The following SCUBE2 variants were observed in gnomAD, a reference collection of about 807,000 sequenced individuals.
SCUBE2 encodes the protein signal peptide, CUB domain and EGF like domain containing 2.
SCUBE2 carries 114 observed loss-of-function variants against 125.9 expected under a neutral mutation model. The ratio of observed to expected loss-of-function variants is 0.91; its 90% CI spans 0.78 to 1.06. The LOEUF is 1.06. Among genes scored for constraint, SCUBE2 ranks in the 50% least tolerant of loss-of-function variants. The probability of loss-of-function intolerance (pLI) is 0.00; values close to 1 mark genes in which losing one functional copy is unlikely to be tolerated. For synonymous variants in SCUBE2, 459 were observed against 492.9 expected (o/e 0.93, Z 0.91); for missense variants, 1,255 against 1,301.8 (o/e 0.96, Z 0.55).
chr11:9,045,113 T>G (rs1857577331), intron 16 of SCUBE2, among the ~76,000 whole-genome samples: 1 of 152,218 alleles, frequency 6.6e-6, no homozygotes, highest in Admixed American at 6.5e-5. Flanking sequence ...TGTTTGCGTG[T>G]TTCTTTATTG....
intron 7 of SCUBE2, chr11:9,064,983 C>A (rs1376016814): frequency 6.6e-6 from 1 of 152,040 alleles, no homozygotes; most frequent in Non-Finnish European, 1.5e-5. Flanking sequence ...CCAAGTGTTG[C>A]CCCTCTCCAT....
At chr11:9,088,565 A>T (rs896671695) in intron 2 of SCUBE2, among the ~76,000 whole-genome samples, 1 of 152,218 alleles carries the variant, frequency 6.6e-6, no homozygotes, top group Non-Finnish European at 1.5e-5. Context: ...GAGACTTGGA[A>T]GGACTTTCTT....
chr11:9,033,475 C>T (rs997243372), intron 17 of SCUBE2, 151 bp downstream of exon 17: 1 of 797,480 alleles, frequency 1.3e-6, no homozygotes, highest in African/African-American at 1.7e-5. Flanking sequence ...GACCTAGGCA[C>T]TGGTGAGCCA....
chr11:9,055,195 G>A (rs1168273336), intron 10 of SCUBE2, among the ~76,000 whole-genome samples: 1 of 152,224 alleles, frequency 6.6e-6, no homozygotes, highest in Non-Finnish European at 1.5e-5. Flanking sequence ...TGAATCTGAT[G>A]GCTGGGGGAG....
intron 14 of SCUBE2, among the ~76,000 whole-genome samples, chr11:9,049,261 T>A (rs1858107790): frequency 6.6e-6 from 1 of 152,208 alleles, no homozygotes; most frequent in South Asian, 2.1e-4. Context: ...TTCATTTTTT[T>A]GAGACAGGGT....
chr11:9,070,654 AACACCCTTC>A (rs2135775826), intron 4 of SCUBE2, among the ~76,000 whole-genome samples: 1 of 152,256 alleles, frequency 6.6e-6, no homozygotes, highest in East Asian at 1.9e-4. Context: ...TCTAGAATCC[AACACCCTTC>A]TATATTGTGC....
chr11:9,051,182 TTATCTATCTATCTATCTATCTATC>T (rs60575374), intron 13 of SCUBE2, among the ~76,000 whole-genome samples: 1 of 142,502 alleles, frequency 7.0e-6, no homozygotes, highest in Admixed American at 7.1e-5. Context: ...AAACAAAAAA[TTATCTATCTATCTATCTATCTATC>T]TATCTATCTA....
intron 7 of SCUBE2, chr11:9,064,959 C>T (rs1220197140): frequency 6.6e-6 from 1 of 152,160 alleles, no homozygotes; most frequent in East Asian, 1.9e-4. Flanking sequence ...GGCAGGTCTT[C>T]CCTTGTCCCA....
intron 2 of SCUBE2, among the ~76,000 whole-genome samples, chr11:9,084,800 G>GCAGGC (rs1339163980): frequency 6.6e-5 from 10 of 152,228 alleles, no homozygotes; most frequent in Admixed American, 6.5e-4. Flanking sequence ...CTGGAGTGCA[G>GCAGGC]TGGTGCCATC....
At chr11:9,067,471 T>C (rs1860362439) in intron 5 of SCUBE2, among the ~76,000 whole-genome samples, 1 of 152,248 alleles carries the variant, frequency 6.6e-6, no homozygotes, top group South Asian at 2.1e-4. Context: ...CTGCATGTTT[T>C]CTTTATATGC....
chr11:9,088,477 G>T (rs1862316238), intron 2 of SCUBE2, among the ~76,000 whole-genome samples: 1 of 152,118 alleles, frequency 6.6e-6, no homozygotes, highest in Admixed American at 6.5e-5. Context: ...CTCCAGCCTG[G>T]GTAACAAGAG....
Position 9,067,921 on chromosome 11 carries a change from C to T in SCUBE2, c.644-1108G>A, listed in dbSNP as rs894402138. 4.8e-5 allele frequency among the ~76,000 whole-genome samples: 7 copies of T among 144,866 alleles called. No homozygotes were observed. The South Asian group carries it at 7.4e-4, about 15-fold the overall frequency. On this transcript the variant is annotated intron_variant, in intron 5 of 22. Coordinates refer to ENST00000649792, the MANE Select transcript of SCUBE2 (RefSeq NM_001367977.2). ...CTATGAAATGTTGAGGGTCTCGCCC[C>T]GCAGGTGAGTCTTGGAGGGTCTGGG...
At chr11:9,030,673 G>A in intron 18 of SCUBE2, 85 bp downstream of exon 18, 1 of 1,409,246 alleles carries the variant, frequency 7.1e-7, no homozygotes, top group Non-Finnish European at 9.8e-7. Flanking sequence ...GCATCAGGCT[G>A]GGCTTGACTG....
chr11:9,045,096 G>A (rs1857574581), intron 16 of SCUBE2, among the ~76,000 whole-genome samples: 1 of 152,104 alleles, frequency 6.6e-6, no homozygotes, highest in Non-Finnish European at 1.5e-5. Flanking sequence ...CTCTGTGAGG[G>A]CTGAGATGTT....
At chr11:9,058,562 C>T (rs1859336166) in intron 9 of SCUBE2, among the ~76,000 whole-genome samples, 1 of 129,732 alleles carries the variant, frequency 7.7e-6, no homozygotes, top group Admixed American at 9.1e-5. Context: ...CTCCACTGCA[C>T]TCCAGCCTGG....
In SCUBE2 at chr11:9,065,877, G is replaced by A. The variant is rs1564835267; in HGVS notation, c.850+14C>T. The A allele has an allele frequency of 6.2e-7, 1 of 1,610,682 alleles. No homozygotes were observed. The highest frequency in any genetic ancestry group is 1.7e-5 in the Admixed American group (1 of 60,032). On this transcript the variant is annotated intron_variant, in intron 7 of 22. Coordinates refer to ENST00000649792, the MANE Select transcript of SCUBE2 (RefSeq NM_001367977.2). ...CAATTGCAGTGGCCAAGGAAAGGGAGTGAAGGTGCCTACCCATGAGCAGCC... is the reference window on the plus strand; with the variant it reads ...CAATTGCAGTGGCCAAGGAAAGGGAATGAAGGTGCCTACCCATGAGCAGCC...
rs559820170 is a variant in SCUBE2 at position 9,051,665 on chromosome 11, A to G, written c.1535-955T>C. On this transcript the variant is annotated intron_variant, in intron 13 of 22. Transcript: ENST00000649792. ...CTTGAGCAAGTTACTTAATCTCCCT[A>G]AGCTTCAGTGTCCTCATCTGTAAAA... 1.2e-4 allele frequency among the ~76,000 whole-genome samples: 18 copies of G among 152,310 alleles called. No homozygotes were observed. In the South Asian group the frequency reaches 3.5e-3, roughly 30 times the overall value.
At chr11:9,054,415 T>A (rs915274192) in intron 10 of SCUBE2, among the ~76,000 whole-genome samples, 2 of 152,030 alleles carry the variant, frequency 1.3e-5, no homozygotes, top group African/African-American at 4.8e-5. Context: ...AACTCTACCA[T>A]CCTTCTGAGC....
chr11:9,029,779 T>C, intron 19 of SCUBE2, 105 bp downstream of exon 19: 1 of 1,259,456 alleles, frequency 7.9e-7, no homozygotes, highest in Non-Finnish European at 1.1e-6. Context: ...ATCTACATGG[T>C]TCTGAGTGAA....
Sources: allele counts gnomAD v4.1 joint callset (sites outside exome capture counted in the v4.1 genomes callset), GRCh38; gene constraint gnomAD v4.1.1; transcripts MANE v1.5; gene names NCBI Gene and HGNC (gene_info 2026-07-23, HGNC 2026-07-21).